FANCA: variants seen among roughly 807,000 people sequenced by gnomAD.
FANCA encodes the protein FA complementation group A.
A neutral mutation model predicts 194.3 loss-of-function variants in FANCA; 236 were observed. The ratio of observed to expected loss-of-function variants is 1.21; its 90% confidence interval spans 1.09 to 1.35. The LOEUF is 1.35. Ranked by LOEUF, FANCA falls within the 40% of genes most tolerant of loss-of-function variation. FANCA has a pLI of 0.00. For synonymous variants in FANCA, 1,014 were observed against 715.8 expected (o/e 1.42, Z -6.65); for missense variants, 2,628 against 1,813.9 (o/e 1.45, Z -8.15).
intron 21 of FANCA, among the ~76,000 whole-genome samples, chr16:89,774,959 T>A (rs1362808716): frequency 6.6e-6 from 1 of 151,630 alleles, no homozygotes; most frequent in Non-Finnish European, 1.5e-5. Context: ...CAAGGCGTAG[T>A]AGTGCGTGCC....
intron 14 of FANCA, among the ~76,000 whole-genome samples, chr16:89,787,251 C>T (rs1038055645): frequency 1.3e-5 from 2 of 152,012 alleles, no homozygotes; most frequent in Admixed American, 6.6e-5. Context: ...CGGCCGGGCG[C>T]GGTGGCTAGC....
At chr16:89,746,340 G>C (rs1204832017) in intron 35 of FANCA, among the ~76,000 whole-genome samples, 2 of 152,226 alleles carry the variant, frequency 1.3e-5, no homozygotes, top group Non-Finnish European at 2.9e-5. Flanking sequence ...GGGGTCCACA[G>C]GGGAGAAGTC....
At chr16:89,783,731 G>C (rs1387376089) in intron 15 of FANCA, among the ~76,000 whole-genome samples, 2 of 152,078 alleles carry the variant, frequency 1.3e-5, no homozygotes, top group Non-Finnish European at 1.5e-5. Flanking sequence ...CCATGCCTTT[G>C]ACTTCCTGGT....
At chr16:89,792,824 T>C (rs1355902552) in intron 11 of FANCA, 1 of 399,370 alleles carries the variant, frequency 2.5e-6, no homozygotes, top group Non-Finnish European at 4.8e-6. Context: ...AGAGTGTGAG[T>C]CATCTCCAAT....
Position 89,738,106 on chromosome 16 carries a change from C to G in FANCA, c.*495G>C. 1 of 1,614,002 alleles carries G rather than the reference C, an allele frequency of 6.2e-7. No homozygotes were observed. The highest frequency in any genetic ancestry group is 1.1e-5 in the South Asian group (1 of 91,086). On this transcript the variant is annotated 3_prime_UTR_variant, in exon 43 of 43. Coordinates refer to ENST00000389301, the MANE Select transcript of FANCA (RefSeq NM_000135.4). ...CCGGCGGTTTGAGAAGGCCCACAAC[C>G]TCAATGTACACATGTCCATGGTGCA... is the stretch of plus-strand genomic sequence containing the variant.
chr16:89,795,595 G>A lies in FANCA; in HGVS notation c.1006+311C>T, dbSNP rs191352719. ...AGAGGTTGCAGTGAGCTGAGATCAC[G>A]CCACTGCACTCCAGCATGGGCAAGT... On this transcript the variant is annotated intron_variant, in intron 11 of 42. Coordinates refer to ENST00000389301, the MANE Select transcript of FANCA (RefSeq NM_000135.4). Among the ~76,000 whole-genome samples the A allele has an allele frequency of 5.3e-5, 8 of 152,258 alleles. No individual in the cohort carries two copies. The East Asian group carries it at 7.7e-4, about 15-fold the overall frequency.
At chr16:89,784,214 A>G (rs1320873973) in intron 15 of FANCA, among the ~76,000 whole-genome samples, 1 of 152,062 alleles carries the variant, frequency 6.6e-6, no homozygotes, top group Non-Finnish European at 1.5e-5. Context: ...AAAAAGAAAA[A>G]AAGAAAAAAC....
intron 11 of FANCA, among the ~76,000 whole-genome samples, chr16:89,795,395 G>A (rs2040209760): frequency 6.6e-6 from 1 of 151,968 alleles, no homozygotes; most frequent in Admixed American, 6.6e-5. Context: ...TCGACACTCT[G>A]GGAAGCCAAG....
At chr16:89,764,808 T>A (rs1332709315) in intron 28 of FANCA, 82 bp downstream of exon 28, 1 of 1,497,924 alleles carries the variant, frequency 6.7e-7, no homozygotes, top group Non-Finnish European at 9.3e-7. Flanking sequence ...GTCACCTACG[T>A]GCTGCTGTTC....
intron 22 of FANCA, among the ~76,000 whole-genome samples, chr16:89,772,242 C>G (rs2039350998): frequency 6.6e-6 from 1 of 152,248 alleles, no homozygotes; most frequent in Admixed American, 6.5e-5. Context: ...CAGGACTCAC[C>G]TGACATGTAT....
intron 35 of FANCA, among the ~76,000 whole-genome samples, chr16:89,746,003 C>T (rs759580862): frequency 6.6e-6 from 1 of 152,186 alleles, no homozygotes; most frequent in Non-Finnish European, 1.5e-5. Context: ...AAAGGCCCTC[C>T]TGTCCCTGAT....
rs777619836 is a variant in FANCA, at chr16:89,782,842, G to A, written c.1626+17C>T. ...GGCGTGACTGGCTGAGACCCTGCAG[G>A]GCTCAAGCAACATTACCTCAGTAAT... On this transcript the variant is annotated intron_variant, in intron 17 of 42. Coordinates refer to ENST00000389301, the MANE Select transcript of FANCA (RefSeq NM_000135.4). The A allele has an allele frequency of 6.2e-7, 1 of 1,611,396 alleles. No homozygotes were observed. Among genetic ancestry groups the A allele is most frequent in the South Asian group, 1.1e-5 (1 of 91,018 alleles).
intron 23 of FANCA, 105 bp from the exon 24 acceptor site, chr16:89,770,739 A>G: frequency 2.0e-6 from 2 of 981,292 alleles, no homozygotes; most frequent in South Asian, 2.8e-5. Context: ...TGCTTTGCAA[A>G]AAGACCTCCA....
intron 18 of FANCA, 93 bp downstream of exon 18, chr16:89,779,776 G>C: frequency 2.9e-6 from 3 of 1,051,840 alleles, no homozygotes; most frequent in Non-Finnish European, 4.4e-6. Flanking sequence ...ACACCCTGCA[G>C]GCATCAGAGC....
chr16:89,769,380 C>T (rs565308418), intron 26 of FANCA, among the ~76,000 whole-genome samples: 1 of 152,164 alleles, frequency 6.6e-6, no homozygotes, highest in Non-Finnish European at 1.5e-5. Flanking sequence ...CATTCTTAAC[C>T]ACAGGGTCCT....
At chr16:89,805,437 A>C (rs2040605366) in intron 6 of FANCA, 45 bp from the exon 7 acceptor site, 6 of 1,451,876 alleles carry the variant, frequency 4.1e-6, no homozygotes, top group Non-Finnish European at 4.8e-6. Context: ...ACTAAATCCC[A>C]TCATCAGGGG....
At chr16:89,810,228 C>T (rs2040823576) in intron 5 of FANCA, among the ~76,000 whole-genome samples, 1 of 150,584 alleles carries the variant, frequency 6.6e-6, no homozygotes, top group South Asian at 2.1e-4. Context: ...GAGGCTGAGG[C>T]AGGAGAATGG....
Position 89,739,237 on chromosome 16 carries a change from G to A in FANCA, c.4063C>T (p.His1355Tyr), listed in dbSNP as rs1233684652. 6.2e-7 allele frequency: 1 copy of A among 1,614,170 alleles called. No homozygotes were observed. Among genetic ancestry groups the A allele is most frequent in the Non-Finnish European group, 8.5e-7 (1 of 1,180,042 alleles). The change falls in exon 41 of 43, where the codon CAT becomes TAT. Residue 1355 changes from histidine to tyrosine, a missense_variant. Coordinates refer to ENST00000389301, the MANE Select transcript of FANCA (RefSeq NM_000135.4). ...TTCAAGTACATGTCCACAGCAACAT[G>A]CAGGAAGGCCTCTTCCCTGATGGCC... ...DAAIREEAFL[H>Y]VAVDMYLKLV...
At chr16:89,740,192 C>T (rs2062093843) in intron 38 of FANCA, 93 bp from the exon 39 acceptor site, 5 of 1,005,092 alleles carry the variant, frequency 5.0e-6, no homozygotes, top group Non-Finnish European at 8.0e-6. Flanking sequence ...AGGGCATTTC[C>T]TCTTTGCTTA....
Sources: gnomAD v4.1 joint callset for allele counts (sites outside exome capture counted in the v4.1 genomes callset) on GRCh38, gnomAD v4.1.1 for gene constraint, MANE v1.5 for transcripts, NCBI Gene and HGNC (gene_info 2026-07-23, HGNC 2026-07-21) for gene names.